Variants in DTNB observed in about 807,000 individuals in gnomAD.
DTNB encodes the protein dystrobrevin beta.
DTNB carries 63 observed loss-of-function variants against 90.7 expected under a neutral mutation model. That is an observed-to-expected ratio of 0.69 (90% CI 0.57 to 0.86). The LOEUF (loss-of-function observed/expected upper bound fraction) is 0.86, where lower values mean the gene tolerates loss of function less well. DTNB is among the 40% of genes least tolerant of loss of function. The pLI is 0.00. For synonymous variants in DTNB, 277 were observed against 286.7 expected, an observed-to-expected ratio of 0.97 and a Z score of 0.34; for missense variants, 744 against 807.1, an observed-to-expected ratio of 0.92 and a Z score of 0.95.
intron 9 of DTNB, among the ~76,000 whole-genome samples, chr2:25,521,313 T>A (rs2076090958): frequency 6.6e-6 from 1 of 152,002 alleles, no homozygotes; most frequent in Non-Finnish European, 1.5e-5. Context: ...CGTTAATGAC[T>A]CAATTCTGCC....
At chr2:25,631,193 G>C (rs2075662464) in intron 3 of DTNB, among the ~76,000 whole-genome samples, 1 of 152,122 alleles carries the variant, frequency 6.6e-6, no homozygotes, top group Non-Finnish European at 1.5e-5. Flanking sequence ...CTCTAAAAGG[G>C]TGAATTTTAT....
chr2:25,537,434 G>T (rs2080080527), intron 8 of DTNB, among the ~76,000 whole-genome samples: 1 of 152,014 alleles, frequency 6.6e-6, no homozygotes, highest in Non-Finnish European at 1.5e-5. Context: ...ACATCAAGAT[G>T]AATTCCAAAT....
intron 16 of DTNB, among the ~76,000 whole-genome samples, chr2:25,403,548 C>G (rs1381197819): frequency 2.0e-5 from 3 of 152,200 alleles, no homozygotes; most frequent in Non-Finnish European, 4.4e-5. Flanking sequence ...GAAACAGAAA[C>G]TAGGCTAGGT....
intron 1 of DTNB, among the ~76,000 whole-genome samples, chr2:25,654,530 A>T (rs999098878): frequency 6.6e-6 from 1 of 152,248 alleles, no homozygotes. Context: ...AACGGTAAAC[A>T]TTCGAAAACA....
intron 8 of DTNB, among the ~76,000 whole-genome samples, chr2:25,559,430 T>G (rs576078498): frequency 2.0e-5 from 3 of 152,288 alleles, no homozygotes; most frequent in Non-Finnish European, 4.4e-5. Context: ...GGAGGAGAAG[T>G]CCTCCTAGAA....
At chr2:25,637,127 A>C (rs1437062851) in intron 3 of DTNB, among the ~76,000 whole-genome samples, 2 of 152,198 alleles carry the variant, frequency 1.3e-5, no homozygotes, top group African/African-American at 4.8e-5. Context: ...CTATTTAATA[A>C]ATGGTACTGG....
chr2:25,391,285 G>T (rs113246131), intron 16 of DTNB, among the ~76,000 whole-genome samples: 1 of 152,108 alleles, frequency 6.6e-6, no homozygotes, highest in African/African-American at 2.4e-5. Context: ...TAAAACTTTT[G>T]TGCTTTGAAG....
chr2:25,635,518 A>C (rs1181198337), intron 3 of DTNB, among the ~76,000 whole-genome samples: 1 of 152,228 alleles, frequency 6.6e-6, no homozygotes, highest in Admixed American at 6.5e-5. Flanking sequence ...AAATAGTTCT[A>C]GGGATGACCA....
intron 10 of DTNB, among the ~76,000 whole-genome samples, chr2:25,474,291 C>CT (rs1332707290): frequency 7.4e-6 from 1 of 134,940 alleles, no homozygotes; most frequent in Non-Finnish European, 1.7e-5. Flanking sequence ...GCTTTTCTGT[C>CT]TTAAAAAAAA....
chr2:25,620,333 A>C (rs1454903216), intron 4 of DTNB, among the ~76,000 whole-genome samples: 1 of 152,300 alleles, frequency 6.6e-6, no homozygotes, highest in Middle Eastern at 3.4e-3. Flanking sequence ...TGAAGTGGGA[A>C]GTTACATGAT....
At position 25,580,658 on chromosome 2, in the gene DTNB, G is replaced by A. The variant is rs559150919; in HGVS notation, c.709+63C>T. On this transcript the variant is annotated intron_variant, in intron 7 of 20. Coordinates refer to ENST00000406818, the MANE Select transcript of DTNB (RefSeq NM_021907.5). Reference sequence around the variant, plus strand: ...AATGATATTAATAGCTAAGGACATTGCAAATAATCAGTTCCTATACTTTCT... The same window carrying A: ...AATGATATTAATAGCTAAGGACATTACAAATAATCAGTTCCTATACTTTCT... 42 of 1,385,880 alleles carry A rather than the reference G, an allele frequency of 3.0e-5. No homozygotes were observed. In the South Asian group the frequency reaches 4.6e-4, roughly 15 times the overall value. The allele number at this position is 1,385,880 out of a possible 1,614,324, so 85.8% of individuals were successfully genotyped here. A position where few individuals can be genotyped will look rare whatever the true frequency, so the allele number is the denominator to read the frequency against.
At chr2:25,540,077 G>T (rs956538621) in intron 8 of DTNB, among the ~76,000 whole-genome samples, 3 of 152,176 alleles carry the variant, frequency 2.0e-5, no homozygotes, top group Non-Finnish European at 4.4e-5. Flanking sequence ...TTCAGGAAGT[G>T]CAAGTGCCCC....
intron 1 of DTNB, 56 bp downstream of exon 1, chr2:25,673,330 G>A (rs1330794373): frequency 1.3e-5 from 2 of 151,278 alleles, no homozygotes; most frequent in African/African-American, 4.8e-5. Flanking sequence ...TCGCGGGCGC[G>A]AGGCTCCAGC....
At chr2:25,552,884 C>G (rs1462792269) in intron 8 of DTNB, among the ~76,000 whole-genome samples, 1 of 116,110 alleles carries the variant, frequency 8.6e-6, no homozygotes, top group Non-Finnish European at 1.7e-5. Flanking sequence ...GACGGAGTCT[C>G]GCTCTGTCGC....
intron 10 of DTNB, among the ~76,000 whole-genome samples, chr2:25,471,416 TCTCA>T (rs1443527168): frequency 8.2e-5 from 12 of 146,456 alleles, no homozygotes; most frequent in African/African-American, 2.8e-4. Context: ...CGAGACGGAG[TCTCA>T]CTCACTCTGT....
intron 12 of DTNB, among the ~76,000 whole-genome samples, chr2:25,443,002 G>A (rs1177384069): frequency 6.6e-6 from 1 of 152,168 alleles, no homozygotes; most frequent in Non-Finnish European, 1.5e-5. Flanking sequence ...GTAACATCTG[G>A]AGGAAAAAGA....
chr2:25,595,679 G>A (rs910310207), intron 6 of DTNB, among the ~76,000 whole-genome samples: 2 of 152,042 alleles, frequency 1.3e-5, no homozygotes, highest in African/African-American at 4.8e-5. Flanking sequence ...TTTTATGCTG[G>A]CGAGTGAGAG....
At chr2:25,553,780 T>C (rs970786654) in intron 8 of DTNB, among the ~76,000 whole-genome samples, 2 of 127,602 alleles carry the variant, frequency 1.6e-5, no homozygotes. Flanking sequence ...TAGAATAAAA[T>C]GTAATTTGTT....
intron 8 of DTNB, among the ~76,000 whole-genome samples, chr2:25,540,250 T>C (rs2080890499): frequency 6.6e-6 from 1 of 152,232 alleles, no homozygotes; most frequent in East Asian, 1.9e-4. Flanking sequence ...AGTGACATCT[T>C]TGCATACTGA....
Sources: gnomAD v4.1 joint callset for allele counts (sites outside exome capture counted in the v4.1 genomes callset) on GRCh38, gnomAD v4.1.1 for gene constraint, MANE v1.5 for transcripts, NCBI Gene and HGNC (gene_info 2026-07-23, HGNC 2026-07-21) for gene names.